YEATS4: variants seen among roughly 807,000 people sequenced by gnomAD.
YEATS4 encodes YEATS domain containing 4.
A neutral mutation model predicts 30.1 loss-of-function variants in YEATS4; 17 were observed. That is an observed-to-expected ratio of 0.56 (90% CI 0.39 to 0.85). YEATS4 has a LOEUF of 0.85. Ranked by LOEUF, YEATS4 falls within the 40% of genes least tolerant of loss-of-function variation. The probability of loss-of-function intolerance (pLI) is 0.00; values close to 1 mark genes in which losing one functional copy is unlikely to be tolerated. For missense variants in YEATS4, 142 were observed against 268.3 expected, an observed-to-expected ratio of 0.53 and a Z score of 3.29; for synonymous variants, 85 against 87.5, an observed-to-expected ratio of 0.97 and a Z score of 0.16.
At chr12:69,387,003 A>AC (rs948386058) in intron 6 of YEATS4, among the ~76,000 whole-genome samples, 2 of 150,972 alleles carry the variant, frequency 1.3e-5, no homozygotes, top group African/African-American at 4.9e-5. Context: ...TCCCCACCCC[A>AC]CCCCCCAAAA....
At chr12:69,374,501 A>T (rs1415330146) in intron 6 of YEATS4, among the ~76,000 whole-genome samples, 1 of 152,104 alleles carries the variant, frequency 6.6e-6, no homozygotes, top group Admixed American at 6.6e-5. Context: ...AGGGAAGGTC[A>T]GCAGATAAAC....
At chr12:69,417,857 A>G in the YEATS4 span, among the ~76,000 whole-genome samples, 987 of 54,914 alleles carry the variant, frequency 0.018, 7 homozygotes, top group Admixed American at 0.028. Flanking sequence ...TACAATAGGG[A>G]AAAAAAAAAA....
the YEATS4 span, among the ~76,000 whole-genome samples, chr12:69,401,911 C>T: frequency 6.6e-6 from 1 of 152,172 alleles, no homozygotes; most frequent in Admixed American, 6.5e-5. Context: ...TCACGGTGTT[C>T]AGCTCACCTA....
At chr12:69,388,985 T>C (rs980802332) in intron 6 of YEATS4, among the ~76,000 whole-genome samples, 1 of 152,050 alleles carries the variant, frequency 6.6e-6, no homozygotes, top group African/African-American at 2.4e-5. Flanking sequence ...ACAAATAATA[T>C]TATGAAGTAT....
At chr12:69,376,393 A>C (rs1875875480) in intron 6 of YEATS4, among the ~76,000 whole-genome samples, 1 of 152,200 alleles carries the variant, frequency 6.6e-6, no homozygotes. Context: ...AAATAATGAT[A>C]ATATCATCTA....
At chr12:69,377,940 G>C (rs1464272688) in intron 6 of YEATS4, among the ~76,000 whole-genome samples, 3 of 152,146 alleles carry the variant, frequency 2.0e-5, no homozygotes, top group Admixed American at 6.5e-5. Flanking sequence ...CTGAAAGTTG[G>C]ATGTTGGCGA....
At chr12:69,392,577 T>C (rs1050507949), downstream of YEATS4, among the ~76,000 whole-genome samples, 1 of 152,262 alleles carries the variant, frequency 6.6e-6, no homozygotes, top group Non-Finnish European at 1.5e-5. Context: ...TCCCAAGGGA[T>C]AATTTCTTCA....
chr12:69,366,083 CAT>C (rs1875418218), intron 4 of YEATS4, among the ~76,000 whole-genome samples, 199 bp downstream of exon 4: 1 of 149,836 alleles, frequency 6.7e-6, no homozygotes, highest in Non-Finnish European at 1.5e-5. Flanking sequence ...TGGAAAAAAA[CAT>C]ATAATATGAA....
intron 6 of YEATS4, among the ~76,000 whole-genome samples, chr12:69,383,938 A>G (rs960035124): frequency 1.3e-5 from 2 of 152,214 alleles, no homozygotes; most frequent in African/African-American, 4.8e-5. Flanking sequence ...GAGTGATGCA[A>G]TAAAAGAAGA....
At chr12:69,361,594 T>C (rs1875212097) in intron 1 of YEATS4, among the ~76,000 whole-genome samples, 1 of 151,378 alleles carries the variant, frequency 6.6e-6, no homozygotes, top group Admixed American at 6.6e-5. Context: ...CCTGGCCGCT[T>C]TTCTTCATTT....
intron 6 of YEATS4, among the ~76,000 whole-genome samples, chr12:69,379,290 A>C (rs1414018965): frequency 1.3e-5 from 2 of 152,090 alleles, no homozygotes; most frequent in South Asian, 4.1e-4. Flanking sequence ...TTGTACTTGA[A>C]TATTGATATT....
chr12:69,413,875 A>G, the YEATS4 span, among the ~76,000 whole-genome samples: 2 of 151,848 alleles, frequency 1.3e-5, no homozygotes, highest in Admixed American at 6.6e-5. Flanking sequence ...AAAAAGAAAA[A>G]GAAAAACAGA....
intron 1 of YEATS4, among the ~76,000 whole-genome samples, chr12:69,362,524 C>T (rs1875262709): frequency 6.6e-6 from 1 of 152,090 alleles, no homozygotes; most frequent in Non-Finnish European, 1.5e-5. Context: ...AGGCCTTTTG[C>T]ATTTCTTTTA....
chr12:69,362,026 T>TTGTTTTTTTTG (rs1486356744), intron 1 of YEATS4, among the ~76,000 whole-genome samples: 1 of 142,904 alleles, frequency 7.0e-6, no homozygotes, highest in Non-Finnish European at 1.5e-5. Context: ...TTTTTTTTTT[T>TTGTTTTTTTTG]TTTTTTTTGG....
chr12:69,412,373 C>T, the YEATS4 span, among the ~76,000 whole-genome samples: 4 of 152,206 alleles, frequency 2.6e-5, no homozygotes, highest in South Asian at 2.1e-4. Context: ...GAGGCAAGTC[C>T]GGGCGCGGTG....
At chr12:69,399,150 CA>C in the YEATS4 span, among the ~76,000 whole-genome samples, 8 of 147,550 alleles carry the variant, frequency 5.4e-5, no homozygotes, top group African/African-American at 2.0e-4. Flanking sequence ...CCGTCCCCCC[CA>C]AAAAAACAAA....
chr12:69,414,276 G>T, the YEATS4 span, among the ~76,000 whole-genome samples: 12 of 152,014 alleles, frequency 7.9e-5, no homozygotes, highest in African/African-American at 2.9e-4. Context: ...TGTCACCCAG[G>T]CTGGAATACA....
chr12:69,397,148 T>C, the YEATS4 span, among the ~76,000 whole-genome samples: 1 of 152,182 alleles, frequency 6.6e-6, no homozygotes, highest in Non-Finnish European at 1.5e-5. Flanking sequence ...CATTATCAAC[T>C]GGGATTTATC....
At chr12:69,382,052 A>G (rs1415635807) in intron 6 of YEATS4, among the ~76,000 whole-genome samples, 2 of 151,708 alleles carry the variant, frequency 1.3e-5, no homozygotes, top group South Asian at 2.1e-4. Context: ...TGTTTCTTTA[A>G]TTTAGTTATG....
Sources: allele counts gnomAD v4.1 joint callset (sites outside exome capture counted in the v4.1 genomes callset), GRCh38; gene constraint gnomAD v4.1.1; transcripts MANE v1.5; gene names NCBI Gene and HGNC (gene_info 2026-07-23, HGNC 2026-07-21).